Variants in ATF7IP observed in about 807,000 individuals in gnomAD.
ATF7IP encodes the protein activating transcription factor 7 interacting protein.
In ATF7IP, 23 loss-of-function variants were observed where a neutral mutation model predicts 106.4. That is an observed-to-expected ratio of 0.22 (90% CI 0.16 to 0.31). ATF7IP has a LOEUF of 0.31. Ranked by LOEUF, ATF7IP falls within the 10% of genes least tolerant of loss-of-function variation. The pLI is 1.00. For synonymous variants in ATF7IP, 542 were observed against 539.0 expected (o/e 1.01, Z -0.08); for missense variants, 1,334 against 1,524.3 (o/e 0.88, Z 2.08).
chr12:14,439,592 A>T (rs1591862283), intron 5 of ATF7IP, among the ~76,000 whole-genome samples: 1 of 152,156 alleles, frequency 6.6e-6, no homozygotes, highest in South Asian at 2.1e-4. Context: ...GCACTTTAGG[A>T]GGCTGAGGAA....
At chr12:14,406,597 A>C (rs1940593951) in intron 1 of ATF7IP, among the ~76,000 whole-genome samples, 1 of 151,418 alleles carries the variant, frequency 6.6e-6, no homozygotes, top group African/African-American at 2.4e-5. Context: ...ACATTTAAAA[A>C]AAAAAAAAGT....
At chr12:14,473,106 A>AAT (rs1244785558) in intron 10 of ATF7IP, among the ~76,000 whole-genome samples, 2 of 152,134 alleles carry the variant, frequency 1.3e-5, no homozygotes, top group African/African-American at 2.4e-5. Context: ...TATAGTTAAT[A>AAT]TAAGTATTGA....
At chr12:14,437,899 A>C (rs959898030) in intron 4 of ATF7IP, among the ~76,000 whole-genome samples, 2 of 151,928 alleles carry the variant, frequency 1.3e-5, no homozygotes, top group African/African-American at 2.4e-5. Context: ...TAAAAATACA[A>C]AAAATTAGCC....
intron 1 of ATF7IP, among the ~76,000 whole-genome samples, chr12:14,387,865 T>C (rs1024523256): frequency 5.3e-5 from 8 of 152,218 alleles, no homozygotes; most frequent in African/African-American, 1.9e-4. Flanking sequence ...CCCTTTTTCA[T>C]GAACAATTTC....
intron 13 of ATF7IP, among the ~76,000 whole-genome samples, chr12:14,495,257 T>G (rs568775277): frequency 6.6e-6 from 1 of 152,304 alleles, no homozygotes; most frequent in African/African-American, 2.4e-5. Flanking sequence ...GGGTTAATAC[T>G]TTGTGTCCTT....
Position 14,498,119 on chromosome 12 carries a change from G to A in ATF7IP, c.*46G>A, listed in dbSNP as rs746187188. 1.3e-6 allele frequency: 2 copies of A among 1,508,314 alleles called. No homozygotes were observed. The highest frequency in any genetic ancestry group is 2.2e-5 in the Admixed American group (1 of 45,568). 93.4% of individuals were successfully genotyped at this position (1,508,314 alleles called of 1,614,324 possible). On this transcript the variant is annotated 3_prime_UTR_variant, in exon 15 of 15. Coordinates refer to ENST00000261168, the MANE Select transcript of ATF7IP (RefSeq NM_018179.5). ...TCCTCTTTTAAAATTTCCACCTTTT[G>A]GTCTTGTTTTTAATCTTGTGCATGA...
At position 14,460,943 on chromosome 12, in the gene ATF7IP, A is replaced by G. The variant is rs1026263147; in HGVS notation, c.2607A>G (p.Thr869=). ...PTASAAPLGT[T]LAVQAVPTAH... is the part of the protein sequence containing the mutation. The stretch of plus-strand genomic sequence containing the variant: ...CCAGTGCTGCACCATTGGGAACAAC[A>G]CTTGCTGTGCAGGCTGTTCCAACAG... Residue 869 remains threonine (T), a synonymous_variant, in exon 9 of 15, where the codon ACA becomes ACG. Coordinates refer to ENST00000261168, the MANE Select transcript of ATF7IP (RefSeq NM_018179.5). 10 of 1,614,030 alleles carry G rather than the reference A, an allele frequency of 6.2e-6. No homozygotes were observed. Among genetic ancestry groups the G allele is most frequent in the African/African-American group, 1.3e-5 (1 of 74,922 alleles).
At chr12:14,385,921 G>T (rs1261979528) in intron 1 of ATF7IP, among the ~76,000 whole-genome samples, 2 of 151,804 alleles carry the variant, frequency 1.3e-5, no homozygotes, top group African/African-American at 4.8e-5. Flanking sequence ...ATTATGGGTT[G>T]CAGTTCTTTC....
Position 14,424,894 on chromosome 12 carries a change from G to A in ATF7IP, c.979G>A (p.Glu327Lys), listed in dbSNP as rs1941755340. ...AAAAAATGGAGCTGATGAAAAATTAGAGCAAATTCAGAGTAAAGACTCATT... is the reference window on the plus strand; with the variant it reads ...AAAAAATGGAGCTGATGAAAAATTAAAGCAAATTCAGAGTAAAGACTCATT... Reference protein sequence around the residue: ...LEKNGADEKLEQIQSKDSLDE... With the variant: ...LEKNGADEKLKQIQSKDSLDE... Residue 327 changes from glutamate to lysine, a missense_variant, in exon 2 of 15, where the codon GAG (glutamate) becomes AAG (lysine). Coordinates refer to ENST00000261168, the MANE Select transcript of ATF7IP (RefSeq NM_018179.5). 6.2e-7 allele frequency: 1 copy of A among 1,609,990 alleles called. No homozygotes were observed. The highest frequency in any genetic ancestry group is 1.7e-5 in the Admixed American group (1 of 58,990).
Position 14,424,173 on chromosome 12 carries a change from A to G in ATF7IP, c.258A>G (p.Ala86=). Residue 86 remains alanine (A), a synonymous_variant, in exon 2 of 15, where the codon GCA becomes GCG. Coordinates refer to ENST00000261168, the MANE Select transcript of ATF7IP (RefSeq NM_018179.5). The part of the protein sequence containing the change: ...EICFDPEGSK[A]EWKETPCILS... ...GTTTTGATCCTGAAGGAAGTAAAGC[A>G]GAATGGAAGGAAACACCCTGTATCC... 1.2e-6 allele frequency: 2 copies of G among 1,614,236 alleles called. No homozygotes were observed. The highest frequency in any genetic ancestry group is 1.7e-6 in the Non-Finnish European group (2 of 1,180,034).
At chr12:14,478,273 G>A (rs921342107) in intron 11 of ATF7IP, 44 bp from the exon 12 acceptor site, 17 of 1,593,998 alleles carry the variant, frequency 1.1e-5, no homozygotes, top group Non-Finnish European at 1.5e-5. Context: ...TGTATTTCCT[G>A]ATTTTTTTCT....
intron 13 of ATF7IP, chr12:14,481,923 C>CATACGTTACAT (rs1944443332): frequency 6.5e-6 from 1 of 153,276 alleles, no homozygotes; most frequent in Non-Finnish European, 1.4e-5. Flanking sequence ...TAGTTACATA[C>CATACGTTACAT]ATATGTTACA....
chr12:14,496,298 A>C lies in ATF7IP; in HGVS notation c.3348A>C (p.Thr1116=), dbSNP rs746960397. The part of the protein sequence containing the change: ...VVNNGLTLGS[T]GPQLTVHHRP... ...ACAATGGACTAACCCTGGGATCAACAGGACCTCAGCTCACAGTGCATCACC... is the reference window on the plus strand; with the variant it reads ...ACAATGGACTAACCCTGGGATCAACCGGACCTCAGCTCACAGTGCATCACC... The change falls in exon 14 of 15, where the codon ACA becomes ACC. Residue 1116 remains threonine, a synonymous_variant. Coordinates refer to ENST00000261168, the MANE Select transcript of ATF7IP (RefSeq NM_018179.5). 1.9e-6 allele frequency: 3 copies of C among 1,613,928 alleles called. No individual in the cohort carries two copies. The African/African-American group carries it at 4.0e-5, about 22-fold the overall frequency.
At chr12:14,443,847 C>T (rs1290243040) in intron 5 of ATF7IP, among the ~76,000 whole-genome samples, 1 of 151,924 alleles carries the variant, frequency 6.6e-6, no homozygotes, top group African/African-American at 2.4e-5. Context: ...ACAATATATT[C>T]TAATAGTTTT....
At chr12:14,468,668 CA>C (rs1255365073) in intron 10 of ATF7IP, among the ~76,000 whole-genome samples, 1 of 152,144 alleles carries the variant, frequency 6.6e-6, no homozygotes, top group Admixed American at 6.5e-5. Flanking sequence ...CCTGCTGAAG[CA>C]ATGCCTTATC....
At chr12:14,457,186 G>T in intron 7 of ATF7IP, 21 bp from the exon 8 acceptor site, 1 of 1,581,410 alleles carries the variant, frequency 6.3e-7, no homozygotes, top group Non-Finnish European at 8.7e-7. Flanking sequence ...TTGACTATTG[G>T]TGTGTATATG....
chr12:14,439,339 C>T (rs780133011), intron 5 of ATF7IP, among the ~76,000 whole-genome samples: 14 of 152,142 alleles, frequency 9.2e-5, no homozygotes, highest in Non-Finnish European at 1.8e-4. Context: ...TTTTCCGTTA[C>T]GAATAAAATT....
At chr12:14,485,563 G>A (rs1944577313) in intron 13 of ATF7IP, among the ~76,000 whole-genome samples, 1 of 152,244 alleles carries the variant, frequency 6.6e-6, no homozygotes, top group Non-Finnish European at 1.5e-5. Context: ...TCTTCCAGGA[G>A]CAAAAACCGA....
intron 6 of ATF7IP, 39 bp from the exon 7 acceptor site, chr12:14,456,522 T>A: frequency 6.9e-7 from 1 of 1,458,072 alleles, no homozygotes; most frequent in African/African-American, 1.4e-5. Context: ...CCCTGTGTGT[T>A]GAGTTTTATT....
Sources: gnomAD v4.1 joint callset for allele counts (sites outside exome capture counted in the v4.1 genomes callset) on GRCh38, gnomAD v4.1.1 for gene constraint, MANE v1.5 for transcripts, NCBI Gene and HGNC (gene_info 2026-07-23, HGNC 2026-07-21) for gene names.